The following MYO5B variants were observed in gnomAD, a reference collection of about 807,000 sequenced individuals.
The protein encoded by MYO5B is myosin VB.
A neutral mutation model predicts 229.3 loss-of-function variants in MYO5B; 143 were observed. The observed-to-expected ratio is 0.62, with a 90% CI of 0.54 to 0.72. The LOEUF is 0.72. Among genes scored for constraint, MYO5B ranks in the 30% least tolerant of loss-of-function variants. The pLI, the probability that MYO5B is intolerant of heterozygous loss-of-function variation, is 0.00. For synonymous variants in MYO5B, 918 were observed against 885.2 expected (o/e 1.04, Z -0.66); for missense variants, 2,321 against 2,331.0 (o/e 1.00, Z 0.09).
intron 2 of MYO5B, among the ~76,000 whole-genome samples, chr18:50,050,367 T>A (rs2030359252): frequency 2.0e-5 from 3 of 152,142 alleles, no homozygotes; most frequent in Non-Finnish European, 4.4e-5. Flanking sequence ...CGAGTCTGAG[T>A]GCACCAATAT....
At chr18:50,000,045 T>G (rs559357037) in intron 5 of MYO5B, among the ~76,000 whole-genome samples, 1 of 152,354 alleles carries the variant, frequency 6.6e-6, no homozygotes, top group South Asian at 2.1e-4. Flanking sequence ...AGCAGAGAAT[T>G]AAAGTCCTCA....
At chr18:50,164,207 C>T (rs1410012220) in intron 1 of MYO5B, among the ~76,000 whole-genome samples, 2 of 152,208 alleles carry the variant, frequency 1.3e-5, no homozygotes, top group African/African-American at 4.8e-5. Flanking sequence ...GGGCGCCTTT[C>T]GCATTATTGT....
At chr18:50,044,661 G>T (rs2030170114) in intron 2 of MYO5B, among the ~76,000 whole-genome samples, 2 of 152,146 alleles carry the variant, frequency 1.3e-5, no homozygotes, top group South Asian at 4.1e-4. Context: ...CGAGCCCCAT[G>T]TGGCTATTTC....
At chr18:49,883,358 A>G (rs573295756) in intron 22 of MYO5B, among the ~76,000 whole-genome samples, 104 of 150,592 alleles carry the variant, frequency 6.9e-4, no homozygotes, top group African/African-American at 2.5e-3. Context: ...TTTGCAATGA[A>G]CAATCTGAAA....
chr18:50,049,001 A>T (rs1568085952), intron 2 of MYO5B, among the ~76,000 whole-genome samples: 5 of 147,750 alleles, frequency 3.4e-5, no homozygotes. Context: ...CAGCCTGGGC[A>T]ACAGAGTGAG....
At chr18:50,037,089 C>A in intron 3 of MYO5B, 95 bp from the exon 4 acceptor site, 20 of 1,399,860 alleles carry the variant, frequency 1.4e-5, no homozygotes, top group Non-Finnish European at 2.0e-5. Flanking sequence ...ATGCCAAAAA[C>A]CAAAGAATGA....
chr18:49,899,839 C>A (rs886893043), intron 21 of MYO5B, among the ~76,000 whole-genome samples: 1 of 152,252 alleles, frequency 6.6e-6, no homozygotes, highest in Non-Finnish European at 1.5e-5. Flanking sequence ...ACCCTCTACA[C>A]ACAGGGCATC....
intron 1 of MYO5B, among the ~76,000 whole-genome samples, chr18:50,059,430 G>A (rs141593589): frequency 3.2e-4 from 49 of 152,340 alleles, no homozygotes; most frequent in African/African-American, 1.2e-3. Context: ...GACAGGGAGA[G>A]AGGGGAAAAC....
chr18:49,854,804 G>A (rs1010963320), intron 30 of MYO5B, among the ~76,000 whole-genome samples: 1 of 152,156 alleles, frequency 6.6e-6, no homozygotes, highest in Admixed American at 6.5e-5. Flanking sequence ...TCATAAGACA[G>A]GTGGGACCAT....
intron 17 of MYO5B, among the ~76,000 whole-genome samples, chr18:49,925,655 T>C (rs1234752665): frequency 6.6e-6 from 1 of 152,190 alleles, no homozygotes; most frequent in Non-Finnish European, 1.5e-5. Flanking sequence ...CCTGGAAGAC[T>C]GGCAGATACA....
chr18:49,904,809 T>A lies in MYO5B; in HGVS notation c.2434A>T (p.Arg812Trp), dbSNP rs772078441. The change falls in exon 20 of 40, where the codon AGG becomes TGG. Residue 812 changes from arginine to tryptophan, a missense_variant. Around this residue, in one of 2 missense-constraint regions of MYO5B, gnomAD observed 2,113 missense variants for 2,044.7 expected, o/e 1.03. Transcript: ENST00000285039. ...TGGAGCACCACAGCCGCTCTGATCC[T>A]CCGCAGGTGCTCAGCCAGCCTGGGG... ...LARRLAEHLR[R>W]IRAAVVLQKH... 6.2e-7 allele frequency: 1 copy of A among 1,613,902 alleles called. No individual in the cohort carries two copies. Among genetic ancestry groups the A allele is most frequent in the Non-Finnish European group, 8.5e-7 (1 of 1,180,016 alleles).
chr18:49,858,105 T>C (rs901223661), intron 29 of MYO5B, among the ~76,000 whole-genome samples: 14 of 152,198 alleles, frequency 9.2e-5, no homozygotes, highest in African/African-American at 3.4e-4. Flanking sequence ...GACTTCCTCC[T>C]CAGCCAGGGC....
chr18:49,889,451 T>C (rs1472745863), intron 22 of MYO5B, among the ~76,000 whole-genome samples: 8 of 152,194 alleles, frequency 5.3e-5, no homozygotes, highest in African/African-American at 1.9e-4. Flanking sequence ...TGAAGCATGA[T>C]CTATGTCACA....
chr18:49,921,258 T>G (rs942762662), intron 17 of MYO5B, among the ~76,000 whole-genome samples: 5 of 19,304 alleles, frequency 2.6e-4, no homozygotes, highest in Non-Finnish European at 4.2e-4. Flanking sequence ...CAAGCAGAGT[T>G]TTTTTTTTTT....
At chr18:50,048,653 G>A (rs1450648511) in intron 2 of MYO5B, among the ~76,000 whole-genome samples, 1 of 152,170 alleles carries the variant, frequency 6.6e-6, no homozygotes, top group Non-Finnish European at 1.5e-5. Context: ...AAGCATGAAG[G>A]TATCATCTCT....
chr18:49,848,221 A>G (rs998319169), intron 32 of MYO5B, among the ~76,000 whole-genome samples: 13 of 152,212 alleles, frequency 8.5e-5, no homozygotes, highest in Non-Finnish European at 1.3e-4. Flanking sequence ...TCAGGCACCA[A>G]GCCAGGAGTG....
intron 1 of MYO5B, among the ~76,000 whole-genome samples, chr18:50,112,312 G>C (rs929581322): frequency 3.3e-5 from 5 of 152,132 alleles, no homozygotes; most frequent in African/African-American, 1.2e-4. Flanking sequence ...CGGCTCCAAG[G>C]GGCTCCTTTT....
chr18:49,859,701 A>T (rs1483417041), intron 29 of MYO5B, among the ~76,000 whole-genome samples: 1 of 152,204 alleles, frequency 6.6e-6, no homozygotes, highest in Non-Finnish European at 1.5e-5. Context: ...TGTGCTGCCA[A>T]CTCAGGACCA....
rs138524752 is a variant in MYO5B at position 50,096,683 on chromosome 18, T to A, written c.28-41305A>T. On this transcript the variant is annotated intron_variant, in intron 1 of 39. Transcript: ENST00000285039. ...CCAGCACCAGTCTGTCCACTGTAAA[T>A]AAGCACAAGTCCTTTCCTACTTTGT... Among the ~76,000 whole-genome samples the A allele has an allele frequency of 5.3e-5, 8 of 152,328 alleles. No individual in the cohort carries two copies. The East Asian group carries it at 1.5e-3, about 29-fold the overall frequency.
Sources: allele counts gnomAD v4.1 joint callset (sites outside exome capture counted in the v4.1 genomes callset), GRCh38; gene constraint gnomAD v4.1.1; regional missense constraint gnomAD v4.1.1; transcripts MANE v1.5; gene names NCBI Gene and HGNC (gene_info 2026-07-23, HGNC 2026-07-21).